Variants in OR51I1 observed in about 807,000 individuals in gnomAD.
OR51I1 encodes olfactory receptor family 51 subfamily I member 1.
A neutral mutation model predicts 6.9 loss-of-function variants in OR51I1; 5 were observed. The ratio of observed to expected loss-of-function variants is 0.73; its 90% CI spans 0.38 to 1.52. The LOEUF (loss-of-function observed/expected upper bound fraction) is 1.52. OR51I1 is among the 40% of genes most tolerant of loss of function. The probability of loss-of-function intolerance (pLI) is 0.03; values close to 1 mark genes in which losing one functional copy is unlikely to be tolerated. For missense variants in OR51I1, 465 were observed against 388.5 expected, an observed-to-expected ratio of 1.20 and a Z score of -1.66; for synonymous variants, 183 against 140.3, an observed-to-expected ratio of 1.30 and a Z score of -2.15.
rs1027735957 is a variant in OR51I1 at position 5,441,113 on chromosome 11, A to C, written c.402T>G (p.Tyr134Ter). Residue 134 changes from tyrosine to a stop codon, truncating the protein, a stop_gained, in exon 1 of 1, where the codon TAT becomes TAG. Coordinates refer to ENST00000380211, the MANE Select transcript of OR51I1 (RefSeq NM_001005288.3). LOFTEE classifies it low-confidence loss of function (END_TRUNC). Reference protein sequence around the residue: ...RFVAICYPLRYVTVLTHNRIL... With the variant: ...RFVAICYPLR ...TACGGTTGTGAGTGAGCACAGTGAC[A>C]TAGCGTAATGGATAACAAATAGCCA... The C allele has an allele frequency of 6.2e-7, 1 of 1,614,034 alleles. No individual in the cohort carries two copies. Among genetic ancestry groups the C allele is most frequent in the Non-Finnish European group, 8.5e-7 (1 of 1,179,950 alleles).
Position 5,440,817 on chromosome 11 carries a change from TG to T in OR51I1, c.697del (p.Gln233ArgfsTer25). ...GTTGAGTGCCTTGAGCCGCTGTTCC[TG>T]GGATATGATGACCAGCATGGCTCTC... ...ILRAMLVIIS[Q>X]EQRLKALNTC... is the part of the protein sequence containing the mutation. On this transcript the variant is annotated frameshift_variant, in exon 1 of 1. Coordinates refer to ENST00000380211, the MANE Select transcript of OR51I1 (RefSeq NM_001005288.3). LOFTEE classifies it high-confidence loss of function. The T allele has an allele frequency of 6.2e-7, 1 of 1,613,884 alleles. No individual in the cohort carries two copies.
chr11:5,440,652 A>C lies in OR51I1; in HGVS notation c.863T>G (p.Met288Arg). The change falls in exon 1 of 1, where the codon ATG (methionine) becomes AGG (arginine). Residue 288 changes from methionine to arginine, a missense_variant. By Grantham distance (91) the Met-to-Arg change is moderately conservative. Coordinates refer to ENST00000380211, the MANE Select transcript of OR51I1 (RefSeq NM_001005288.3). ...CACACTGTAGATGATAGGGTTGAGC[A>C]TGGGTGGTACAAACAGGTAGACATT... ...MSNVYLFVPP[M>R]LNPIIYSVKT... 1 of 1,613,906 alleles carries C rather than the reference A, an allele frequency of 6.2e-7. No individual in the cohort carries two copies.
chr11:5,440,866 G>T lies in OR51I1; in HGVS notation c.649C>A (p.Leu217Met). The change falls in exon 1 of 1, where the codon CTG (leucine) becomes ATG (methionine). Residue 217 changes from leucine to methionine, a missense_variant. Coordinates refer to ENST00000380211, the MANE Select transcript of OR51I1 (RefSeq NM_001005288.3). ...CTCAGGATCAATGCGTAGGAAAGCA[G>T]GATGAAAGTTGAGTCCATACCATAG... ...FTYGMDSTFI[L>M]LSYALILRAM... 6.2e-7 allele frequency: 1 copy of T among 1,613,804 alleles called. No homozygotes were observed.
chr11:5,441,233 A>T lies in OR51I1; in HGVS notation c.282T>A (p.Val94=). The stretch of plus-strand genomic sequence containing the variant: ...TCTGGACCAGGCAAGCATTAAACGC[A>T]ACATGGTTGTAGTTGAAGCAGAAAG... ...ISTFCFNYNH[V]AFNACLVQMF... is the part of the protein sequence containing the mutation. The change falls in exon 1 of 1, where the codon GTT becomes GTA. Residue 94 remains valine (V), a synonymous_variant. Coordinates refer to ENST00000380211, the MANE Select transcript of OR51I1 (RefSeq NM_001005288.3). The T allele has an allele frequency of 1.9e-6, 3 of 1,614,010 alleles. No homozygotes were observed. Among genetic ancestry groups the T allele is most frequent in the Non-Finnish European group, 2.5e-6 (3 of 1,179,932 alleles).
At position 5,441,355 on chromosome 11, in the gene OR51I1, C is replaced by T. The variant is rs752765033; in HGVS notation, c.160G>A (p.Glu54Lys). The T allele has an allele frequency of 6.2e-7, 1 of 1,613,942 alleles. No individual in the cohort carries two copies. The highest frequency in any genetic ancestry group is 2.2e-5 in the East Asian group (1 of 44,870). The change falls in exon 1 of 1, where the codon GAG becomes AAG. Residue 54 changes from glutamate to lysine, a missense_variant. Transcript: ENST00000380211. ...TACATGGGCTGATGCAGAGCAGGCT[C>T]CCAAAACACCAGAGTGAGAATGCTG... ...NLSILTLVFW[E>K]PALHQPMYYF...
Position 5,440,930 on chromosome 11 carries a change from A to T in OR51I1, c.585T>A (p.His195Gln). The T allele has an allele frequency of 1.2e-6, 2 of 1,613,926 alleles. No individual in the cohort carries two copies. Among genetic ancestry groups the T allele is most frequent in the Non-Finnish European group, 8.5e-7 (1 of 1,179,926 alleles). ...CCAAGAGCCCATAAATGTTGTTAACATGGATGTCTCCACATGCTACTTTCA... is the reference window on the plus strand; with the variant it reads ...CCAAGAGCCCATAAATGTTGTTAACTTGGATGTCTCCACATGCTACTTTCA... Reference protein sequence around the residue: ...DLMKVACGDIHVNNIYGLLVI... With the variant: ...DLMKVACGDIQVNNIYGLLVI... Residue 195 changes from histidine (H) to glutamine (Q), a missense_variant, in exon 1 of 1, where the codon CAT becomes CAA. Coordinates refer to ENST00000380211, the MANE Select transcript of OR51I1 (RefSeq NM_001005288.3).
At position 5,440,785 on chromosome 11, in the gene OR51I1, T is replaced by C. The variant is rs1850670242; in HGVS notation, c.730A>G (p.Met244Val). The change falls in exon 1 of 1, where the codon ATG becomes GTG. Residue 244 changes from methionine (M) to valine (V), a missense_variant. Physicochemically the swap from Met to Val is conservative, Grantham distance 21. Coordinates refer to ENST00000380211, the MANE Select transcript of OR51I1 (RefSeq NM_001005288.3). ...EQRLKALNTC[M>V]SHICAVLAFY... ...GCCAGCACTGCACAGATGTGTGACA[T>C]GCAGGTGTTGAGTGCCTTGAGCCGC... 6.2e-7 allele frequency: 1 copy of C among 1,613,838 alleles called. No individual in the cohort carries two copies. The highest frequency in any genetic ancestry group is 1.3e-5 in the African/African-American group (1 of 74,914).
At position 5,440,904 on chromosome 11, in the gene OR51I1, A is replaced by G. The variant is rs1346160715; in HGVS notation, c.611T>C (p.Val204Ala). ...GTCCATACCATAGGTAAAAATGATC[A>G]CCAAGAGCCCATAAATGTTGTTAAC... ...IHVNNIYGLL[V>A]IIFTYGMDST... The change falls in exon 1 of 1, where the codon GTG (valine) becomes GCG (alanine). Residue 204 changes from valine (V) to alanine (A), a missense_variant. Val to Ala is a moderately conservative substitution (Grantham distance 64, BLOSUM62 0). Transcript: ENST00000380211. 1 of 1,613,816 alleles carries G rather than the reference A, an allele frequency of 6.2e-7. No homozygotes were observed. The highest frequency in any genetic ancestry group is 1.7e-5 in the Admixed American group (1 of 59,906).
rs1564814813 is a variant in OR51I1 at position 5,441,438 on chromosome 11, A to T, written c.77T>A (p.Leu26His). 6.2e-7 allele frequency: 1 copy of T among 1,613,928 alleles called. No individual in the cohort carries two copies. The highest frequency in any genetic ancestry group is 1.1e-5 in the South Asian group (1 of 91,076). Reference sequence around the variant, plus strand: ...GCAGAAAATCAGGGCAACCCAGGTGAGGCCTGTTTGTATCCCAGGAATGCC... The same window carrying T: ...GCAGAAAATCAGGGCAACCCAGGTGTGGCCTGTTTGTATCCCAGGAATGCC... Reference protein sequence around the residue: ...LTGIPGIQTGLTWVALIFCIL... With the variant: ...LTGIPGIQTGHTWVALIFCIL... The change falls in exon 1 of 1, where the codon CTC (leucine) becomes CAC (histidine). Residue 26 changes from leucine (L) to histidine (H), a missense_variant. Transcript: ENST00000380211.
chr11:5,441,219 C>A lies in OR51I1; in HGVS notation c.296G>T (p.Cys99Phe). ...GTGGATGAAGAACATCTGGACCAGG[C>A]AAGCATTAAACGCAACATGGTTGTA... ...FNYNHVAFNA[C>F]LVQMFFIHTF... The change falls in exon 1 of 1, where the codon TGC becomes TTC. Residue 99 changes from cysteine (C) to phenylalanine (F), a missense_variant. By Grantham distance (205) the Cys-to-Phe change is radical (BLOSUM62 -2). Transcript: ENST00000380211. 1 of 1,613,932 alleles carries A rather than the reference C, an allele frequency of 6.2e-7. No individual in the cohort carries two copies.
In OR51I1 at chr11:5,441,283, A is replaced by C. The variant is rs1248957759; in HGVS notation, c.232T>G (p.Ser78Ala). The stretch of plus-strand genomic sequence containing the variant: ...GTAGAAATCACAGTGGGAAGTGTAG[A>C]AAAGGACACTCCCAGATCATTGAGA... ...LALNDLGVSFSTLPTVISTFC... is the reference protein window; with the variant it reads ...LALNDLGVSFATLPTVISTFC... The change falls in exon 1 of 1, where the codon TCT becomes GCT. Residue 78 changes from serine (S) to alanine (A), a missense_variant. Transcript: ENST00000380211. 3 of 1,613,914 alleles carry C rather than the reference A, an allele frequency of 1.9e-6. No individual in the cohort carries two copies. In the South Asian group the frequency reaches 3.3e-5, roughly 18 times the overall value.
chr11:5,440,771 A>G lies in OR51I1; in HGVS notation c.744T>C (p.Cys248=), dbSNP rs759197332. 6.2e-6 allele frequency: 10 copies of G among 1,613,866 alleles called. No homozygotes were observed. Among genetic ancestry groups the G allele is most frequent in the Middle Eastern group, 1.6e-4 (1 of 6,082 alleles). ...KALNTCMSHI[C]AVLAFYVPII... is the part of the protein sequence containing the mutation. ...TGGGCACATAAAAGGCCAGCACTGC[A>G]CAGATGTGTGACATGCAGGTGTTGA... Residue 248 remains cysteine (C), a synonymous_variant, in exon 1 of 1, where the codon TGT becomes TGC. Coordinates refer to ENST00000380211, the MANE Select transcript of OR51I1 (RefSeq NM_001005288.3).
chr11:5,441,000 T>C lies in OR51I1; in HGVS notation c.515A>G (p.Lys172Arg). ...GTAGGAGTGATGCAAAACATTGCCT[T>C]TGCAGAAGGGCAGTCGTTTCACCAC... ...PFVVKRLPFC[K>R]GNVLHHSYCL... Residue 172 changes from lysine (K) to arginine (R), a missense_variant, in exon 1 of 1, where the codon AAA becomes AGA. Physicochemically the swap from Lys to Arg is conservative, Grantham distance 26. Transcript: ENST00000380211. 1.2e-6 allele frequency: 2 copies of C among 1,613,990 alleles called. No individual in the cohort carries two copies. The highest frequency in any genetic ancestry group is 1.7e-6 in the Non-Finnish European group (2 of 1,179,950).
At position 5,441,416 on chromosome 11, in the gene OR51I1, G is replaced by C; in HGVS notation, c.99C>G (p.Phe33Leu). Residue 33 changes from phenylalanine (F) to leucine (L), a missense_variant, in exon 1 of 1, where the codon TTC (phenylalanine) becomes TTG (leucine). Phe to Leu is a conservative substitution (Grantham distance 22, BLOSUM62 0). Coordinates refer to ENST00000380211, the MANE Select transcript of OR51I1 (RefSeq NM_001005288.3). Reference protein sequence around the residue: ...QTGLTWVALIFCILYMISIVG... With the variant: ...QTGLTWVALILCILYMISIVG... ...CAATGGAGATCATGTAGAGGATGCA[G>C]AAAATCAGGGCAACCCAGGTGAGGC... is the stretch of plus-strand genomic sequence containing the variant. 1 of 1,613,966 alleles carries C rather than the reference G, an allele frequency of 6.2e-7. No individual in the cohort carries two copies. The highest frequency in any genetic ancestry group is 8.5e-7 in the Non-Finnish European group (1 of 1,179,896).
chr11:5,441,358 A>T lies in OR51I1; in HGVS notation c.157T>A (p.Trp53Arg). 1 of 1,614,006 alleles carries T rather than the reference A, an allele frequency of 6.2e-7. No individual in the cohort carries two copies. The highest frequency in any genetic ancestry group is 8.5e-7 in the Non-Finnish European group (1 of 1,179,918). Residue 53 changes from tryptophan (W) to arginine (R), a missense_variant, in exon 1 of 1, where the codon TGG becomes AGG. By Grantham distance (101) the Trp-to-Arg change is moderately radical. Transcript: ENST00000380211. The stretch of plus-strand genomic sequence containing the variant: ...ATGGGCTGATGCAGAGCAGGCTCCC[A>T]AAACACCAGAGTGAGAATGCTGAGG... ...GNLSILTLVFWEPALHQPMYY... is the reference protein window; with the variant it reads ...GNLSILTLVFREPALHQPMYY...
At position 5,440,793 on chromosome 11, in the gene OR51I1, T is replaced by C. The variant is rs2133775749; in HGVS notation, c.722A>G (p.Asn241Ser). The change falls in exon 1 of 1, where the codon AAC becomes AGC. Residue 241 changes from asparagine (N) to serine (S), a missense_variant. Coordinates refer to ENST00000380211, the MANE Select transcript of OR51I1 (RefSeq NM_001005288.3). ...ISQEQRLKAL[N>S]TCMSHICAVL... The stretch of plus-strand genomic sequence containing the variant: ...TGCACAGATGTGTGACATGCAGGTG[T>C]TGAGTGCCTTGAGCCGCTGTTCCTG... 1 of 1,613,888 alleles carries C rather than the reference T, an allele frequency of 6.2e-7. No individual in the cohort carries two copies. The highest frequency in any genetic ancestry group is 2.2e-5 in the East Asian group (1 of 44,870).
chr11:5,441,344 C>T lies in OR51I1; in HGVS notation c.171G>A (p.Leu57=). The stretch of plus-strand genomic sequence containing the variant: ...AGAGGAAGTAGTACATGGGCTGATG[C>T]AGAGCAGGCTCCCAAAACACCAGAG... The part of the protein sequence containing the change: ...ILTLVFWEPA[L]HQPMYYFLSM... Residue 57 remains leucine, a synonymous_variant, in exon 1 of 1, where the codon CTG becomes CTA. Coordinates refer to ENST00000380211, the MANE Select transcript of OR51I1 (RefSeq NM_001005288.3). The T allele has an allele frequency of 6.2e-7, 1 of 1,613,932 alleles. No individual in the cohort carries two copies. Among genetic ancestry groups the T allele is most frequent in the South Asian group, 1.1e-5 (1 of 91,088 alleles).
At position 5,440,877 on chromosome 11, in the gene OR51I1, G is replaced by C. The variant is rs1850674447; in HGVS notation, c.638C>G (p.Ser213Ter). 6 of 1,613,648 alleles carry C rather than the reference G, an allele frequency of 3.7e-6. No individual in the cohort carries two copies. The African/African-American group carries it at 5.3e-5, about 14-fold the overall frequency. The stretch of plus-strand genomic sequence containing the variant: ...TGCGTAGGAAAGCAGGATGAAAGTT[G>C]AGTCCATACCATAGGTAAAAATGAT... ...LVIIFTYGMDSTFILLSYALI... is the reference protein window; with the variant it reads ...LVIIFTYGMD Residue 213 changes from serine to a stop codon, truncating the protein, a stop_gained, in exon 1 of 1, where the codon TCA (serine) becomes TGA (stop). Coordinates refer to ENST00000380211, the MANE Select transcript of OR51I1 (RefSeq NM_001005288.3). LOFTEE classifies it high-confidence loss of function.
In OR51I1 at chr11:5,440,579, G is replaced by C; in HGVS notation, c.936C>G (p.Ser312=). 1 of 1,612,272 alleles carries C rather than the reference G, an allele frequency of 6.2e-7. No individual in the cohort carries two copies. The highest frequency in any genetic ancestry group is 8.5e-7 in the Non-Finnish European group (1 of 1,178,626). Residue 312 remains serine, a synonymous_variant, in exon 1 of 1, where the codon TCC becomes TCG. Coordinates refer to ENST00000380211, the MANE Select transcript of OR51I1 (RefSeq NM_001005288.3). ...RKGILKFFHK[S]QA ...GGGCCTTCAGCCTTCCTCAGGCCTG[G>C]GATTTATGGAAGAACTTGAGAATCC...
Sources: allele counts gnomAD v4.1 joint callset, GRCh38; gene constraint gnomAD v4.1.1; transcripts MANE v1.5; gene names NCBI Gene and HGNC (gene_info 2026-07-23, HGNC 2026-07-21).